The following KIF26B variants were observed in gnomAD, a reference collection of about 807,000 sequenced individuals.
KIF26B encodes the protein kinesin-like protein KIF26B.
Under a neutral mutation model 151.2 loss-of-function variants are expected in KIF26B, and 63 were observed. That is an observed-to-expected ratio of 0.42 (90% CI 0.34 to 0.51). The LOEUF (loss-of-function observed/expected upper bound fraction) is 0.51, where lower values mean the gene tolerates loss of function less well. Among genes scored for constraint, KIF26B ranks in the 20% least tolerant of loss-of-function variants. KIF26B has a pLI of 0.07. For synonymous variants in KIF26B, 1,357 were observed against 1,262.1 expected (o/e 1.08, Z -1.59); for missense variants, 2,813 against 2,913.6 (o/e 0.97, Z 0.79).
chr1:245,556,818 TGCAAGCCACCA>T (rs1391789005), intron 5 of KIF26B, among the ~76,000 whole-genome samples: 1 of 152,210 alleles, frequency 6.6e-6, no homozygotes. Flanking sequence ...AGTTTACAGG[TGCAAGCCACCA>T]TCCCCAGCCA....
chr1:245,454,800 T>C (rs192658463), intron 4 of KIF26B, among the ~76,000 whole-genome samples: 1 of 152,328 alleles, frequency 6.6e-6, no homozygotes, highest in East Asian at 1.9e-4. Flanking sequence ...TTTCCTCTCC[T>C]TTCTATTGTA....
intron 2 of KIF26B, among the ~76,000 whole-genome samples, chr1:245,271,297 C>A (rs1670852200): frequency 6.6e-6 from 1 of 152,028 alleles, no homozygotes; most frequent in Non-Finnish European, 1.5e-5. Context: ...TCAAAAAATG[C>A]CATTGGGAAT....
chr1:245,522,939 T>C (rs1661160744), intron 4 of KIF26B, among the ~76,000 whole-genome samples: 1 of 152,208 alleles, frequency 6.6e-6, no homozygotes, highest in African/African-American at 2.4e-5. Flanking sequence ...AGTTTTCATA[T>C]TAATGTTTTA....
chr1:245,412,845 C>G (rs1167216409), intron 3 of KIF26B, among the ~76,000 whole-genome samples: 1 of 152,168 alleles, frequency 6.6e-6, no homozygotes, highest in Non-Finnish European at 1.5e-5. Context: ...GTTAATGGTG[C>G]ACGGAATTCT....
At chr1:245,561,443 CTT>C (rs1037014053) in intron 5 of KIF26B, among the ~76,000 whole-genome samples, 2 of 152,210 alleles carry the variant, frequency 1.3e-5, no homozygotes, top group Admixed American at 1.3e-4. Context: ...TTGGGTCACT[CTT>C]TGTGACAAGA....
At chr1:245,521,641 C>A (rs1052913846) in intron 4 of KIF26B, among the ~76,000 whole-genome samples, 4 of 152,154 alleles carry the variant, frequency 2.6e-5, no homozygotes, top group Non-Finnish European at 5.9e-5. Context: ...ACAAGGCTTA[C>A]TTCTTCAGTG....
intron 3 of KIF26B, among the ~76,000 whole-genome samples, chr1:245,416,814 A>G (rs1258461848): frequency 6.6e-6 from 1 of 152,214 alleles, no homozygotes; most frequent in East Asian, 1.9e-4. Context: ...CAGTTCCTGT[A>G]GCCAAATCCT....
At chr1:245,662,394 T>TATAC (rs1553301832) in intron 10 of KIF26B, among the ~76,000 whole-genome samples, 5 of 144,606 alleles carry the variant, frequency 3.5e-5, no homozygotes, top group South Asian at 2.2e-4. Flanking sequence ...CATATATATA[T>TATAC]ACACACACAT....
chr1:245,369,992 T>G (rs565599008), intron 3 of KIF26B, among the ~76,000 whole-genome samples: 1 of 151,984 alleles, frequency 6.6e-6, no homozygotes, highest in Admixed American at 6.6e-5. Context: ...GATAATTTGC[T>G]TTTTTTTGTT....
chr1:245,315,591 G>A (rs982808546), intron 2 of KIF26B, among the ~76,000 whole-genome samples: 5 of 151,672 alleles, frequency 3.3e-5, no homozygotes, highest in Non-Finnish European at 7.4e-5. Context: ...ACATGGTGGC[G>A]GGCACCTGTA....
chr1:245,496,798 TAA>T (rs1660521679), intron 4 of KIF26B, among the ~76,000 whole-genome samples: 1 of 152,098 alleles, frequency 6.6e-6, no homozygotes, highest in South Asian at 2.1e-4. Context: ...ATACTGCTTA[TAA>T]GAGACGCTTC....
chr1:245,584,606 T>C (rs2043205849), intron 5 of KIF26B, among the ~76,000 whole-genome samples: 1 of 152,168 alleles, frequency 6.6e-6, no homozygotes, highest in Non-Finnish European at 1.5e-5. Flanking sequence ...ATGAGTATCA[T>C]TTTGGTACGA....
At chr1:245,256,962 G>T (rs990703975) in intron 2 of KIF26B, among the ~76,000 whole-genome samples, 1 of 152,144 alleles carries the variant, frequency 6.6e-6, no homozygotes, top group Non-Finnish European at 1.5e-5. Context: ...TCCTGATCCA[G>T]TAGAGAATTA....
At chr1:245,467,276 T>A (rs1009565794) in intron 4 of KIF26B, among the ~76,000 whole-genome samples, 19 of 152,226 alleles carry the variant, frequency 1.2e-4, no homozygotes, top group Non-Finnish European at 2.4e-4. Context: ...GGCACCAAGA[T>A]GATGCGAGCT....
intron 10 of KIF26B, among the ~76,000 whole-genome samples, chr1:245,661,575 TAC>T (rs1191026308): frequency 1.3e-5 from 2 of 150,788 alleles, no homozygotes; most frequent in African/African-American, 4.9e-5. Context: ...TATATATATA[TAC>T]ACACCCCCAA....
intron 2 of KIF26B, among the ~76,000 whole-genome samples, chr1:245,223,397 A>G (rs4078377): frequency 0.013 from 1,987 of 152,306 alleles, 28 homozygotes; most frequent in African/African-American, 0.044. Flanking sequence ...TCTTAAGGGT[A>G]CATTCACTGA....
chr1:245,394,392 G>A (rs1437077373), intron 3 of KIF26B, among the ~76,000 whole-genome samples: 2 of 152,154 alleles, frequency 1.3e-5, no homozygotes, highest in African/African-American at 4.8e-5. Flanking sequence ...GGAGGCCAAG[G>A]CAGGCAGATC....
At chr1:245,547,597 A>G (rs1661775570) in intron 5 of KIF26B, among the ~76,000 whole-genome samples, 1 of 151,798 alleles carries the variant, frequency 6.6e-6, no homozygotes, top group Admixed American at 6.6e-5. Flanking sequence ...AAAAAAAAAA[A>G]AAAAAAAAAG....
rs866264669 is a variant in KIF26B, at chr1:245,642,396, C to A, written c.2099-3725C>A. Reference sequence around the variant, plus strand: ...GGAGGAGCTAAAGCCAAGACTGGGCCTCCTCAGGGTCTGCTATAAGATGGA... The same window carrying A: ...GGAGGAGCTAAAGCCAAGACTGGGCATCCTCAGGGTCTGCTATAAGATGGA... On this transcript the variant is annotated intron_variant, in intron 9 of 14. Coordinates refer to ENST00000407071, the MANE Select transcript of KIF26B (RefSeq NM_018012.4). Among the ~76,000 whole-genome samples, 3 of 151,992 alleles carry A rather than the reference C, an allele frequency of 2.0e-5. 1 individual carries two copies. Among genetic ancestry groups the A allele is most frequent in the Middle Eastern group, 6.8e-3 (2 of 294 alleles).
Sources: gnomAD v4.1 joint callset for allele counts (sites outside exome capture counted in the v4.1 genomes callset) on GRCh38, gnomAD v4.1.1 for gene constraint, MANE v1.5 for transcripts, NCBI Gene and HGNC (gene_info 2026-07-23, HGNC 2026-07-21) for gene names.